The following ADAM12 variants were observed in gnomAD, a reference collection of about 807,000 sequenced individuals.
ADAM12 encodes ADAM metallopeptidase domain 12.
A neutral mutation model predicts 106.4 loss-of-function variants in ADAM12; 70 were observed. That is an observed-to-expected ratio of 0.66 (90% CI 0.54 to 0.80). The LOEUF (loss-of-function observed/expected upper bound fraction) is 0.80. Ranked by LOEUF, ADAM12 falls within the 30% of genes least tolerant of loss-of-function variation. The probability of loss-of-function intolerance (pLI) is 0.00; values close to 1 mark genes in which losing one functional copy is unlikely to be tolerated. For synonymous variants in ADAM12, 420 were observed against 433.5 expected (o/e 0.97, Z 0.39); for missense variants, 1,010 against 1,171.9 (o/e 0.86, Z 2.02).
intron 3 of ADAM12, among the ~76,000 whole-genome samples, chr10:126,162,377 T>C (rs890808508): frequency 1.3e-5 from 2 of 152,076 alleles, no homozygotes; most frequent in African/African-American, 2.4e-5. Context: ...AACAGCATGC[T>C]AGCGGGCAAC....
In ADAM12 at chr10:126,086,666, AAAAAAAAAAAAAAAATATATATAT is replaced by A. The variant is rs1186919402; in HGVS notation, c.1145+7295_1145+7318del. Among the ~76,000 whole-genome samples the A allele has an allele frequency of 4.5e-3, 229 of 50,338 alleles. 13 individuals carry two copies. The East Asian group carries it at 0.055, about 12-fold the overall frequency. The allele number at this position is 50,338 out of a possible 152,430, so 33.0% of individuals were successfully genotyped here. A position where few individuals can be genotyped will look rare whatever the true frequency, so the allele number is the denominator to read the frequency against. On this transcript the variant is annotated intron_variant, in intron 11 of 22. Transcript: ENST00000448723. Reference sequence around the variant, plus strand: ...GACTCTGCCTCAAAAAAAAAAAAAAAAAAAAAAAAAAAAAATATATATATATATATATATATATATAAAATAAAA... The same window carrying A: ...GACTCTGCCTCAAAAAAAAAAAAAAAATATATATATATATATAAAATAAAA...
At chr10:126,294,287 T>C (rs1960276448) in intron 2 of ADAM12, among the ~76,000 whole-genome samples, 1 of 152,198 alleles carries the variant, frequency 6.6e-6, no homozygotes, top group Non-Finnish European at 1.5e-5. Context: ...GTATTTAAAT[T>C]CACCCTTAAC....
At chr10:126,351,049 G>T (rs193074022) in intron 1 of ADAM12, among the ~76,000 whole-genome samples, 1 of 152,182 alleles carries the variant, frequency 6.6e-6, no homozygotes, top group Admixed American at 6.5e-5. Context: ...AAATGAAGCA[G>T]GGTGTGGAAA....
chr10:126,269,285 T>A (rs1959161068), intron 3 of ADAM12, among the ~76,000 whole-genome samples: 1 of 152,184 alleles, frequency 6.6e-6, no homozygotes, highest in African/African-American at 2.4e-5. Flanking sequence ...ATCCTTCTCA[T>A]CCTGTGACTT....
intron 2 of ADAM12, among the ~76,000 whole-genome samples, chr10:126,295,955 A>G (rs1240206226): frequency 6.6e-6 from 1 of 151,850 alleles, no homozygotes; most frequent in East Asian, 1.9e-4. Context: ...ATAAACACAC[A>G]CACCCCATGG....
intron 21 of ADAM12, among the ~76,000 whole-genome samples, chr10:126,034,628 T>A (rs936327356): frequency 1.3e-5 from 2 of 152,152 alleles, no homozygotes; most frequent in Admixed American, 6.5e-5. Flanking sequence ...AGTGACTGGC[T>A]AAATGGATGA....
intron 2 of ADAM12, among the ~76,000 whole-genome samples, chr10:126,329,256 T>G (rs1248929126): frequency 6.6e-6 from 1 of 152,226 alleles, no homozygotes; most frequent in African/African-American, 2.4e-5. Context: ...ATCTGGCAAC[T>G]CTAACCCCAG....
rs11244867 is a variant in ADAM12, at chr10:126,176,148, G to A, written c.261-20843C>T. ...CAAAAGAGATCAGGCACTGAGTTCCGGGAAGTTACTGAGCACACATAACAA... is the reference window on the plus strand; with the variant it reads ...CAAAAGAGATCAGGCACTGAGTTCCAGGAAGTTACTGAGCACACATAACAA... On this transcript the variant is annotated intron_variant, in intron 3 of 22. Transcript: ENST00000448723. 1.4e-3 allele frequency among the ~76,000 whole-genome samples: 213 copies of A among 152,274 alleles called. 3 individuals carry two copies. The highest frequency in any genetic ancestry group is 4.0e-3 in the Admixed American group (61 of 15,296).
At position 126,046,696 on chromosome 10, in the gene ADAM12, G is replaced by A. The variant is rs76021633; in HGVS notation, c.1918-564C>T. Among the ~76,000 whole-genome samples, 797 of 151,466 alleles carry A rather than the reference G, an allele frequency of 5.3e-3. 9 individuals are homozygous for A. The highest frequency in any genetic ancestry group is 0.019 in the African/African-American group (763 of 41,128). On this transcript the variant is annotated intron_variant, in intron 16 of 22. Transcript: ENST00000448723. ...CACGTGCCTGTAATTCCAGCTTCTT[G>A]GGAGGCCGAGGCAGGAGAATCGCTT...
chr10:126,292,684 G>A (rs1960206853), intron 2 of ADAM12, among the ~76,000 whole-genome samples: 1 of 152,158 alleles, frequency 6.6e-6, no homozygotes, highest in African/African-American at 2.4e-5. Flanking sequence ...TACAGTCCCT[G>A]TCATGACTGC....
intron 3 of ADAM12, among the ~76,000 whole-genome samples, chr10:126,192,146 T>C (rs758895610): frequency 1.3e-5 from 2 of 152,190 alleles, no homozygotes; most frequent in African/African-American, 2.4e-5. Context: ...GGGACACAGA[T>C]CCAAACCATA....
chr10:126,186,652 GCA>G (rs1285751506), intron 3 of ADAM12, among the ~76,000 whole-genome samples: 2 of 152,082 alleles, frequency 1.3e-5, no homozygotes, highest in East Asian at 3.9e-4. Context: ...GGCAGGAATC[GCA>G]CAGTGTCTGG....
At chr10:126,179,196 A>C (rs1220679355) in intron 3 of ADAM12, among the ~76,000 whole-genome samples, 1 of 152,194 alleles carries the variant, frequency 6.6e-6, no homozygotes, top group East Asian at 1.9e-4. Flanking sequence ...TTTCGTAAAT[A>C]TTGGTTAAGT....
intron 3 of ADAM12, among the ~76,000 whole-genome samples, chr10:126,161,409 G>C (rs1956931767): frequency 6.6e-6 from 1 of 152,202 alleles, no homozygotes; most frequent in Non-Finnish European, 1.5e-5. Flanking sequence ...GGGTGGTTTT[G>C]CTTTAGAATT....
chr10:126,020,980 G>A (rs1350248300), intron 21 of ADAM12, among the ~76,000 whole-genome samples: 2 of 119,376 alleles, frequency 1.7e-5, no homozygotes, highest in Non-Finnish European at 3.3e-5. Flanking sequence ...GTGACAGAGT[G>A]AGACTCTGTC....
At chr10:126,298,024 G>A (rs772725420) in intron 2 of ADAM12, among the ~76,000 whole-genome samples, 20 of 152,048 alleles carry the variant, frequency 1.3e-4, no homozygotes, top group South Asian at 2.1e-4. Context: ...GAGAGAGGGC[G>A]AATGAGAAGT....
chr10:126,214,864 G>A (rs974783788), intron 3 of ADAM12, among the ~76,000 whole-genome samples: 1 of 152,160 alleles, frequency 6.6e-6, no homozygotes, highest in African/African-American at 2.4e-5. Flanking sequence ...TCTCACGCCC[G>A]CTGGCTGGAT....
At chr10:126,074,379 C>T (rs993387816) in intron 11 of ADAM12, among the ~76,000 whole-genome samples, 1 of 149,502 alleles carries the variant, frequency 6.7e-6, no homozygotes, top group Non-Finnish European at 1.5e-5. Flanking sequence ...TCAGACATGC[C>T]TTCCCCATCT....
rs1564985829 is a variant in ADAM12 at position 126,013,475 on chromosome 10, G to A, written c.*3804C>T. On this transcript the variant is annotated 3_prime_UTR_variant, in exon 23 of 23. Coordinates refer to ENST00000448723, the MANE Select transcript of ADAM12 (RefSeq NM_001288973.2). This position sits in a 1 kb window ranked among gnomAD's most constrained non-coding sequence, Gnocchi z 4.3. ...AATTAGAACAAGACATTGGGTGGGA[G>A]GTCCTCTGCTGGACTTAGGCTGGTG... 6.6e-6 allele frequency: 1 copy of A among 152,272 alleles called. No individual in the cohort carries two copies. Among genetic ancestry groups the A allele is most frequent in the Non-Finnish European group, 1.5e-5 (1 of 68,074 alleles). 9.4% of individuals were successfully genotyped at this position (152,272 alleles called of 1,614,324 possible). A position where few individuals can be genotyped will look rare whatever the true frequency, so the allele number is the denominator to read the frequency against.
Sources: gnomAD v4.1 joint callset for allele counts (sites outside exome capture counted in the v4.1 genomes callset) on GRCh38, gnomAD v4.1.1 for gene constraint, Gnocchi (gnomAD v3.1) non-coding constraint, MANE v1.5 for transcripts, NCBI Gene and HGNC (gene_info 2026-07-23, HGNC 2026-07-21) for gene names.